DBT: variants seen among roughly 807,000 people sequenced by gnomAD.
The protein encoded by DBT is dihydrolipoamide branched chain transacylase E2, also known as lipoamide acyltransferase component of branched-chain alpha-keto acid dehydrogenase complex, mitochondrial.
DBT carries 40 observed loss-of-function variants against 51.3 expected under a neutral mutation model. The observed-to-expected ratio is 0.78, with a 90% CI of 0.61 to 1.02. DBT has a LOEUF of 1.02. Among genes scored for constraint, DBT ranks in the 50% least tolerant of loss-of-function variants. The pLI is 0.00. For synonymous variants in DBT, 181 were observed against 190.4 expected, an observed-to-expected ratio of 0.95 and a Z score of 0.41; for missense variants, 510 against 580.2, an observed-to-expected ratio of 0.88 and a Z score of 1.24.
chr1:100,228,615 C>G (rs2100822866), intron 4 of DBT, among the ~76,000 whole-genome samples: 1 of 152,178 alleles, frequency 6.6e-6, no homozygotes, highest in Non-Finnish European at 1.5e-5. Flanking sequence ...CAAATATTAG[C>G]CAGGCACAGT....
At chr1:100,222,791 T>C (rs1016550733) in intron 4 of DBT, among the ~76,000 whole-genome samples, 3 of 152,284 alleles carry the variant, frequency 2.0e-5, no homozygotes, top group Non-Finnish European at 4.4e-5. Context: ...TCAGTTAGGT[T>C]CAGTAACTCT....
chr1:100,201,022 C>G (rs1413636897), intron 10 of DBT, among the ~76,000 whole-genome samples: 1 of 152,092 alleles, frequency 6.6e-6, no homozygotes, highest in East Asian at 1.9e-4. Flanking sequence ...ATCACAACTC[C>G]TCGCCAGCAA....
At chr1:100,208,125 ACT>A (rs1661912337) in intron 8 of DBT, among the ~76,000 whole-genome samples, 5 of 151,874 alleles carry the variant, frequency 3.3e-5, no homozygotes, top group Non-Finnish European at 7.4e-5. Context: ...ACAGAGCAAG[ACT>A]CTGTCTCCAA....
At chr1:100,239,181 G>GA (rs1292059042) in intron 2 of DBT, among the ~76,000 whole-genome samples, 1 of 152,130 alleles carries the variant, frequency 6.6e-6, no homozygotes, top group East Asian at 1.9e-4. Flanking sequence ...ATTCTCACAA[G>GA]AATACAATTA....
chr1:100,226,350 C>G (rs1317562065), intron 4 of DBT, among the ~76,000 whole-genome samples: 1 of 142,380 alleles, frequency 7.0e-6, no homozygotes, highest in African/African-American at 2.6e-5. Flanking sequence ...GTGGCATTAA[C>G]ACAGCTCACT....
In DBT at chr1:100,223,316, C is replaced by T. The variant is rs534048206; in HGVS notation, c.434-4569G>A. Among the ~76,000 whole-genome samples, 8 of 152,308 alleles carry T rather than the reference C, an allele frequency of 5.3e-5. No homozygotes were observed. The East Asian group carries it at 7.7e-4, about 15-fold the overall frequency. On this transcript the variant is annotated intron_variant, in intron 4 of 10. Transcript: ENST00000370132. ...AATAGAGGCTAGAGAAAGCATCTGT[C>T]ACCACATCAGCTGTAAAGACAACTC...
At chr1:100,242,220 T>A (rs1285466843) in intron 1 of DBT, among the ~76,000 whole-genome samples, 2 of 151,930 alleles carry the variant, frequency 1.3e-5, no homozygotes, top group African/African-American at 4.8e-5. Flanking sequence ...AAAAAAAAAA[T>A]CATGTACATT....
rs1661630732 is a variant in DBT at position 100,204,312 on chromosome 1, GACAA to G, written c.1281+1914_1281+1917del. ...CAAGCATTCCTATACACCAATAACA[GACAA>G]ACAGAGAGCCAAATCATGAGGAAAC... On this transcript the variant is annotated intron_variant, in intron 10 of 10. Coordinates refer to ENST00000370132, the MANE Select transcript of DBT (RefSeq NM_001918.5). Among the ~76,000 whole-genome samples, 6 of 152,150 alleles carry G rather than the reference GACAA, an allele frequency of 3.9e-5. 2 individuals carry two copies. Among genetic ancestry groups the G allele is most frequent in the Non-Finnish European group, 7.4e-5 (5 of 67,982 alleles).
At position 100,187,944 on chromosome 1, in the gene DBT, CTT is replaced by C. The variant is rs1286666289; in HGVS notation, c.*8309_*8310del. 2 of 152,066 alleles carry C rather than the reference CTT, an allele frequency of 1.3e-5. No homozygotes were observed. The highest frequency in any genetic ancestry group is 2.9e-5 in the Non-Finnish European group (2 of 68,036). The allele number at this position is 152,066 out of a possible 1,614,324, so 9.4% of individuals were successfully genotyped here. ...TCTGTTGAAACTGGAGTATACTGCACTTATATATCATTATTTCTAATATACAC... is the reference window on the plus strand; with the variant it reads ...TCTGTTGAAACTGGAGTATACTGCACATATATCATTATTTCTAATATACAC... On this transcript the variant is annotated 3_prime_UTR_variant, in exon 11 of 11. Transcript: ENST00000370132.
chr1:100,221,759 C>T (rs6687213), intron 4 of DBT, among the ~76,000 whole-genome samples: 149,722 of 152,340 alleles, frequency 0.98, 73,634 homozygotes, highest in Middle Eastern at 1. Flanking sequence ...CTGTCAATCT[C>T]GTGTTAAGGT....
intron 2 of DBT, among the ~76,000 whole-genome samples, chr1:100,238,820 A>T (rs1664051539): frequency 6.6e-6 from 1 of 152,188 alleles, no homozygotes; most frequent in Non-Finnish European, 1.5e-5. Context: ...GAGAGATGTG[A>T]GCTACAGCTA....
chr1:100,210,140 G>A (rs1014058549), intron 8 of DBT, among the ~76,000 whole-genome samples: 1 of 151,576 alleles, frequency 6.6e-6, no homozygotes, highest in African/African-American at 2.4e-5. Context: ...ATGAGACCAC[G>A]TCTCTACAAA....
At chr1:100,248,073 G>T (rs1023482454) in intron 1 of DBT, among the ~76,000 whole-genome samples, 1 of 149,824 alleles carries the variant, frequency 6.7e-6, no homozygotes, top group Admixed American at 6.7e-5. Context: ...CTGTACTCCA[G>T]CCTGGGTGAC....
chr1:100,232,210 A>G (rs1404798868), intron 3 of DBT, among the ~76,000 whole-genome samples: 1 of 152,182 alleles, frequency 6.6e-6, no homozygotes, highest in African/African-American at 2.4e-5. Flanking sequence ...TAGACTGGGT[A>G]TATTAAATGC....
intron 3 of DBT, among the ~76,000 whole-genome samples, chr1:100,234,473 C>CAAA: frequency 8.3e-6 from 1 of 120,114 alleles, no homozygotes; most frequent in African/African-American, 3.0e-5. Context: ...TCATCTCTAC[C>CAAA]AAAAAAAAAA....
In DBT at chr1:100,206,528, G is replaced by A. The variant is rs768389398; in HGVS notation, c.1126C>T (p.Arg376Cys). ...SIFDIATELN[R>C]LQKLGSVSQL... Reference sequence around the variant, plus strand: ...CTCACAGAGCCCAATTTCTGGAGGCGGTTCAGTTCAGTGGCGATGTCAAAT... The same window carrying A: ...CTCACAGAGCCCAATTTCTGGAGGCAGTTCAGTTCAGTGGCGATGTCAAAT... Residue 376 changes from arginine to cysteine, a missense_variant, in exon 9 of 11, where the codon CGC becomes TGC. Coordinates refer to ENST00000370132, the MANE Select transcript of DBT (RefSeq NM_001918.5). 13 of 1,612,872 alleles carry A rather than the reference G, an allele frequency of 8.1e-6. No homozygotes were observed. The highest frequency in any genetic ancestry group is 3.3e-5 in the Admixed American group (2 of 59,988).
intron 1 of DBT, among the ~76,000 whole-genome samples, chr1:100,244,742 A>T (rs1239117354): frequency 1.4e-4 from 22 of 152,012 alleles, no homozygotes; most frequent in Admixed American, 1.4e-3. Context: ...TAAAATAGAA[A>T]AATTATAATA....
chr1:100,214,013 T>A (rs1052788391), intron 7 of DBT, among the ~76,000 whole-genome samples: 3 of 151,094 alleles, frequency 2.0e-5, no homozygotes, highest in Admixed American at 2.0e-4. Flanking sequence ...GGCTGGCACA[T>A]GGTAGCTGCT....
chr1:100,194,908 AAT>A lies in DBT; in HGVS notation c.*1345_*1346del, dbSNP rs1661002100. On this transcript the variant is annotated 3_prime_UTR_variant, in exon 11 of 11. Transcript: ENST00000370132. The stretch of plus-strand genomic sequence containing the variant: ...TTTGGCATACAGTTTTCAACTGGAC[AAT>A]ATTAGAAACAACATGGATTTCCGAA... 2.0e-5 allele frequency: 3 copies of A among 152,236 alleles called. No individual in the cohort carries two copies. The highest frequency in any genetic ancestry group is 4.8e-5 in the African/African-American group (2 of 41,468). 9.4% of individuals were successfully genotyped at this position (152,236 alleles called of 1,614,324 possible).
Sources: allele counts gnomAD v4.1 joint callset (sites outside exome capture counted in the v4.1 genomes callset), GRCh38; gene constraint gnomAD v4.1.1; transcripts MANE v1.5; gene names NCBI Gene and HGNC (gene_info 2026-07-23, HGNC 2026-07-21).